The following COL19A1 variants were observed in gnomAD, a reference collection of about 807,000 sequenced individuals.
The protein encoded by COL19A1 is collagen alpha-1(XIX) chain.
Under a neutral mutation model 190.2 loss-of-function variants are expected in COL19A1, and 159 were observed. That is an observed-to-expected ratio of 0.84 (90% CI 0.73 to 0.95). The LOEUF is 0.95. Ranked by LOEUF, COL19A1 falls within the 40% of genes least tolerant of loss-of-function variation. The pLI is 0.00. For missense variants in COL19A1, 1,418 were observed against 1,431.9 expected, an observed-to-expected ratio of 0.99 and a Z score of 0.16; for synonymous variants, 509 against 458.9, an observed-to-expected ratio of 1.11 and a Z score of -1.39.
chr6:70,029,023 C>T (rs750603792), intron 12 of COL19A1, among the ~76,000 whole-genome samples: 4 of 151,926 alleles, frequency 2.6e-5, no homozygotes, highest in Non-Finnish European at 5.9e-5. Context: ...TTTTAAGTAT[C>T]CCTTATTAGA....
At chr6:70,120,158 G>A (rs533765532) in intron 16 of COL19A1, among the ~76,000 whole-genome samples, 2 of 152,234 alleles carry the variant, frequency 1.3e-5, no homozygotes, top group South Asian at 4.1e-4. Context: ...TTGGGAGACT[G>A]TATTATTAAT....
intron 42 of COL19A1, among the ~76,000 whole-genome samples, chr6:70,177,174 C>A (rs1765866298): frequency 6.6e-6 from 1 of 152,114 alleles, no homozygotes; most frequent in African/African-American, 2.4e-5. Flanking sequence ...TCATTCTGAT[C>A]TTCATTCATG....
chr6:70,080,629 A>C (rs1708892083), intron 15 of COL19A1, among the ~76,000 whole-genome samples: 1 of 152,224 alleles, frequency 6.6e-6, no homozygotes, highest in Non-Finnish European at 1.5e-5. Context: ...TCAGGGTAAA[A>C]TATTGTCAAA....
At chr6:70,172,495 T>G (rs1287742563) in intron 41 of COL19A1, among the ~76,000 whole-genome samples, 1 of 152,028 alleles carries the variant, frequency 6.6e-6, no homozygotes, top group African/African-American at 2.4e-5. Flanking sequence ...AGGTGGGAAG[T>G]GGCCTTGTCA....
At chr6:70,130,589 G>A (rs980567816) in intron 18 of COL19A1, among the ~76,000 whole-genome samples, 5 of 152,210 alleles carry the variant, frequency 3.3e-5, no homozygotes, top group South Asian at 2.1e-4. Context: ...ACATTCCCAC[G>A]TAGGGGGCAG....
chr6:69,921,383 T>TCATA (rs1410371262), intron 4 of COL19A1, among the ~76,000 whole-genome samples: 1 of 114,590 alleles, frequency 8.7e-6, no homozygotes, highest in African/African-American at 3.9e-5. Context: ...ATATCATATA[T>TCATA]ATCATATATA....
intron 11 of COL19A1, among the ~76,000 whole-genome samples, chr6:70,017,237 A>C (rs1233809473): frequency 6.6e-6 from 1 of 152,178 alleles, no homozygotes; most frequent in Non-Finnish European, 1.5e-5. Flanking sequence ...AAAAGGCTAC[A>C]TATTGTATAA....
At chr6:69,982,911 G>T (rs1389482633) in intron 11 of COL19A1, among the ~76,000 whole-genome samples, 1 of 151,346 alleles carries the variant, frequency 6.6e-6, no homozygotes, top group African/African-American at 2.4e-5. Context: ...GGCAGAGCTT[G>T]CAGTGAGCCA....
intron 41 of COL19A1, among the ~76,000 whole-genome samples, chr6:70,175,471 T>A: frequency 6.6e-6 from 1 of 152,036 alleles, no homozygotes. Flanking sequence ...ATATGGGATA[T>A]AATGTAAAGA....
At chr6:70,178,131 T>G (rs972383815) in intron 42 of COL19A1, among the ~76,000 whole-genome samples, 1 of 152,252 alleles carries the variant, frequency 6.6e-6, no homozygotes, top group African/African-American at 2.4e-5. Context: ...CTCACACATG[T>G]AATCCCAGCA....
chr6:69,988,673 T>C lies in COL19A1; in HGVS notation c.1026+25803T>C, dbSNP rs78059111. On this transcript the variant is annotated intron_variant, in intron 11 of 50. Transcript: ENST00000620364. ...ACGTGTTAAGAGACTGATAATACCGTTGGAGATTCAAAACAAACCTCTTCC... is the reference window on the plus strand; with the variant it reads ...ACGTGTTAAGAGACTGATAATACCGCTGGAGATTCAAAACAAACCTCTTCC... Among the ~76,000 whole-genome samples, 734 of 152,254 alleles carry C rather than the reference T, an allele frequency of 4.8e-3. 4 individuals carry two copies. Among genetic ancestry groups the C allele is most frequent in the Non-Finnish European group, 6.8e-3 (462 of 68,020 alleles).
At chr6:69,937,933 G>A in intron 8 of COL19A1, 105 bp from the exon 9 acceptor site, 3 of 1,071,798 alleles carry the variant, frequency 2.8e-6, no homozygotes, top group Non-Finnish European at 4.2e-6. Flanking sequence ...GCTCAGAGGA[G>A]AACAAAGCGT....
intron 7 of COL19A1, among the ~76,000 whole-genome samples, chr6:69,936,129 G>A (rs554022423): frequency 6.6e-6 from 1 of 152,070 alleles, no homozygotes; most frequent in African/African-American, 2.4e-5. Context: ...TTCTCCATTT[G>A]GGTTAATTTT....
chr6:70,134,647 G>C (rs560267054), intron 18 of COL19A1, among the ~76,000 whole-genome samples: 86 of 152,236 alleles, frequency 5.6e-4, no homozygotes, highest in African/African-American at 2.0e-3. Context: ...TTATCCATTT[G>C]GTTCCTTGGC....
intron 16 of COL19A1, among the ~76,000 whole-genome samples, chr6:70,108,718 T>C (rs1784112137): frequency 6.6e-6 from 1 of 152,134 alleles, no homozygotes; most frequent in African/African-American, 2.4e-5. Flanking sequence ...TATTGTACAA[T>C]ACCAATAAAA....
At chr6:70,130,683 C>T (rs1210923706) in intron 18 of COL19A1, among the ~76,000 whole-genome samples, 1 of 152,216 alleles carries the variant, frequency 6.6e-6, no homozygotes, top group Non-Finnish European at 1.5e-5. Context: ...CCTGACCAGG[C>T]AGTAGGATTC....
intron 9 of COL19A1, among the ~76,000 whole-genome samples, chr6:69,943,583 A>G (rs1483395288): frequency 2.0e-5 from 3 of 152,122 alleles, no homozygotes; most frequent in Non-Finnish European, 4.4e-5. Flanking sequence ...TGATTTTTGC[A>G]TATGGTGAGA....
chr6:70,174,121 G>A (rs1765661617), intron 41 of COL19A1, among the ~76,000 whole-genome samples: 1 of 152,202 alleles, frequency 6.6e-6, no homozygotes, highest in African/African-American at 2.4e-5. Flanking sequence ...CTCAGATAAA[G>A]AGGAAGCAAG....
chr6:69,992,139 A>G (rs940984073), intron 11 of COL19A1, among the ~76,000 whole-genome samples: 19 of 152,244 alleles, frequency 1.2e-4, no homozygotes, highest in Admixed American at 1.2e-3. Flanking sequence ...TTATGCCAGC[A>G]TCATTTATTG....
Sources: gnomAD v4.1 joint callset for allele counts (sites outside exome capture counted in the v4.1 genomes callset) on GRCh38, gnomAD v4.1.1 for gene constraint, MANE v1.5 for transcripts, NCBI Gene and HGNC (gene_info 2026-07-23, HGNC 2026-07-21) for gene names.